Variants in DSC1 observed in about 807,000 individuals in gnomAD.
DSC1 encodes desmocollin-1.
DSC1 carries 79 observed loss-of-function variants against 98.8 expected under a neutral mutation model. That is an observed-to-expected ratio of 0.80 (90% confidence interval 0.67 to 0.96). The LOEUF (loss-of-function observed/expected upper bound fraction) is 0.96, where lower values mean the gene tolerates loss of function less well. Among genes scored for constraint, DSC1 ranks in the 50% least tolerant of loss-of-function variants. The pLI is 0.00. For missense variants in DSC1, 1,115 were observed against 1,075.9 expected, an observed-to-expected ratio of 1.04 and a Z score of -0.51; for synonymous variants, 405 against 372.1, an observed-to-expected ratio of 1.09 and a Z score of -1.02.
Position 31,162,790 on chromosome 18 carries a change from A to G in DSC1, c.-196T>C. ...GCAACGGGAGAATTTCTTTCCCCCT[A>G]TTCCCTGGCCAGTCTCCTTCCTTCC... is the stretch of plus-strand genomic sequence containing the variant. On this transcript the variant is annotated 5_prime_UTR_variant, in exon 1 of 16. Transcript: ENST00000257198. 1 of 574,386 alleles carries G rather than the reference A, an allele frequency of 1.7e-6. No individual in the cohort carries two copies. The allele number at this position is 574,386 out of a possible 1,614,324, so 35.6% of individuals were successfully genotyped here.
At chr18:31,133,841 G>A (rs1467027961) in intron 13 of DSC1, 50 bp downstream of exon 13, 3 of 1,520,048 alleles carry the variant, frequency 2.0e-6, no homozygotes, top group Non-Finnish European at 2.6e-6. Flanking sequence ...AAAAATACTA[G>A]ATAAAATTTT....
In DSC1 at chr18:31,130,501, T is replaced by C. The variant is rs748237087; in HGVS notation, c.*13A>G. On this transcript the variant is annotated 3_prime_UTR_variant, in exon 16 of 16. Transcript: ENST00000257198. ...TTATGCATCTGTGGATATTACACTA[T>C]TAAAAGGCACATTTATTTCTTGATG... is the stretch of plus-strand genomic sequence containing the variant. The C allele has an allele frequency of 1.9e-6, 3 of 1,613,958 alleles. No individual in the cohort carries two copies. In the South Asian group the frequency reaches 3.3e-5, roughly 18 times the overall value.
chr18:31,141,936 T>C, intron 9 of DSC1, 63 bp downstream of exon 9: 5 of 1,475,700 alleles, frequency 3.4e-6, no homozygotes, highest in Admixed American at 4.7e-5. Context: ...AAGAATTATC[T>C]CTTAAAATCA....
intron 8 of DSC1, among the ~76,000 whole-genome samples, chr18:31,142,748 A>T (rs181898637): frequency 4.9e-4 from 74 of 152,276 alleles, no homozygotes; most frequent in African/African-American, 1.7e-3. Context: ...AAAGACTAAA[A>T]GAAGTAGTAA....
rs1366311667 is a variant in DSC1 at position 31,143,750 on chromosome 18, C to G, written c.981G>C (p.Met327Ile). 6.2e-7 allele frequency: 1 copy of G among 1,602,126 alleles called. No homozygotes were observed. Among genetic ancestry groups the G allele is most frequent in the East Asian group, 2.3e-5 (1 of 44,352 alleles). ...TYQLIMEVRD[M>I]GGQPFGLFNT... is the part of the protein sequence containing the mutation. Reference sequence around the variant, plus strand: ...TAAATAAACCGAAAGGCTGACCACCCATGTCTCGCACTTCCATTATTAACT... The same window carrying G: ...TAAATAAACCGAAAGGCTGACCACCGATGTCTCGCACTTCCATTATTAACT... The change falls in exon 8 of 16, where the codon ATG becomes ATC. Residue 327 changes from methionine to isoleucine, a missense_variant. Transcript: ENST00000257198.
At chr18:31,150,369 C>CCATCAGCAGCAG (rs1568002860) in intron 5 of DSC1, among the ~76,000 whole-genome samples, 82 of 3,034 alleles carry the variant, frequency 0.027, 9 homozygotes, top group Non-Finnish European at 0.034. Context: ...ATCATCACCA[C>CCATCAGCAGCAG]CACCATCATC....
At chr18:31,135,752 C>G (rs925972315) in intron 11 of DSC1, among the ~76,000 whole-genome samples, 2 of 151,792 alleles carry the variant, frequency 1.3e-5, no homozygotes, top group African/African-American at 4.8e-5. Context: ...ATGTCAAATC[C>G]CACCATTTGT....
rs761823934 is a variant in DSC1, at chr18:31,131,683, A to G, written c.2398T>C (p.Leu800=). 10 of 1,613,980 alleles carry G rather than the reference A, an allele frequency of 6.2e-6. No individual in the cohort carries two copies. Among genetic ancestry groups the G allele is most frequent in the Admixed American group, 1.7e-5 (1 of 59,992 alleles). ...TGCCCCACTCCCTTGACGGACTCCA[A>G]GGTCTGATGTCCACCTCCTTTGTTG... The part of the protein sequence containing the change: ...DSNKGGGHQT[L]ESVKGVGQGD... Residue 800 remains leucine, a synonymous_variant, in exon 15 of 16, where the codon TTG becomes CTG. Transcript: ENST00000257198.
chr18:31,137,279 A>G (rs535300167), intron 11 of DSC1, among the ~76,000 whole-genome samples: 5 of 152,196 alleles, frequency 3.3e-5, no homozygotes, highest in African/African-American at 4.8e-5. Flanking sequence ...CCACTTGTAC[A>G]TGACAACCCT....
intron 3 of DSC1, among the ~76,000 whole-genome samples, chr18:31,156,670 C>G (rs1364534775): frequency 6.6e-6 from 1 of 152,036 alleles, no homozygotes; most frequent in Non-Finnish European, 1.5e-5. Flanking sequence ...TTCATACAAT[C>G]AAAAAGAATT....
rs376668422 is a variant in DSC1 at position 31,151,151 on chromosome 18, T to G, written c.628-2509A>C. 3.2e-4 allele frequency among the ~76,000 whole-genome samples: 48 copies of G among 152,374 alleles called. No homozygotes were observed. In the South Asian group the frequency reaches 9.7e-3, roughly 31 times the overall value. On this transcript the variant is annotated intron_variant, in intron 5 of 15. Transcript: ENST00000257198. The stretch of plus-strand genomic sequence containing the variant: ...TGAAGATCATCTGCTTCCCACCATA[T>G]GCTCATTTGTAATTTGAAATAATAT...
Position 31,159,532 on chromosome 18 carries a change from C to CAAAAAAAAAAAA in DSC1, c.64-15_64-4dup, listed in dbSNP as rs35550730. On this transcript the variant is annotated splice_region_variant and splice_polypyrimidine_tract_variant and intron_variant, in intron 1 of 15. Transcript: ENST00000257198. ...GCATCGCAAAGTAATGTTAAAACCT[C>CAAAAAAAAAAAA]AAAAAAAAAAAAAGAAAAAATATCA... 3 of 1,409,308 alleles carry CAAAAAAAAAAAA rather than the reference C, an allele frequency of 2.1e-6. No homozygotes were observed. Among genetic ancestry groups the CAAAAAAAAAAAA allele is most frequent in the Non-Finnish European group, 1.9e-6 (2 of 1,052,478 alleles). The allele number at this position is 1,409,308 out of a possible 1,614,324, so 87.3% of individuals were successfully genotyped here.
At position 31,158,056 on chromosome 18, in the gene DSC1, C is replaced by T. The variant is rs557530869; in HGVS notation, c.149-483G>A. 5.3e-5 allele frequency among the ~76,000 whole-genome samples: 8 copies of T among 152,182 alleles called. No individual in the cohort carries two copies. The South Asian group carries it at 8.3e-4, about 16-fold the overall frequency. ...GGCCGAGGTGGGAGGATCACAAGGT[C>T]GGGAGTTCTAGATCAGCCTGGCCAA... On this transcript the variant is annotated intron_variant, in intron 2 of 15. Coordinates refer to ENST00000257198, the MANE Select transcript of DSC1 (RefSeq NM_024421.2).
chr18:31,155,901 G>C, intron 4 of DSC1, 142 bp downstream of exon 4: 4 of 833,764 alleles, frequency 4.8e-6, no homozygotes, highest in Non-Finnish European at 7.3e-6. Flanking sequence ...CACTTCTATG[G>C]GACCCTAGTT....
rs749463079 is a variant in DSC1 at position 31,134,530 on chromosome 18, C to G, written c.1876+42G>C. 32 of 1,446,896 alleles carry G rather than the reference C, an allele frequency of 2.2e-5. No homozygotes were observed. In the East Asian group the frequency reaches 7.1e-4, roughly 32 times the overall value. 89.6% of individuals were successfully genotyped at this position (1,446,896 alleles called of 1,614,324 possible). A position where few individuals can be genotyped will look rare whatever the true frequency, so the allele number is the denominator to read the frequency against. The stretch of plus-strand genomic sequence containing the variant: ...CTAAGGTGAAAGAACCATCACCAAT[C>G]TGAAGTCCGTATTGACTATAAAATT... On this transcript the variant is annotated intron_variant, in intron 12 of 15. Coordinates refer to ENST00000257198, the MANE Select transcript of DSC1 (RefSeq NM_024421.2).
chr18:31,154,394 G>T (rs1338019510), intron 5 of DSC1, among the ~76,000 whole-genome samples: 1 of 151,828 alleles, frequency 6.6e-6, no homozygotes, highest in African/African-American at 2.4e-5. Context: ...CTTGGGCATG[G>T]GTCCAAGCAT....
In DSC1 at chr18:31,140,280, G is replaced by A. The variant is rs1260791441; in HGVS notation, c.1282C>T (p.Arg428Cys). Residue 428 changes from arginine (R) to cysteine (C), a missense_variant, in exon 10 of 16, where the codon CGC becomes TGC. Coordinates refer to ENST00000257198, the MANE Select transcript of DSC1 (RefSeq NM_024421.2). ...ACACCAACTTGCAAAATAACTTGGCGATTGACTTCATAGTTCAATGGCTGT... is the reference window on the plus strand; with the variant it reads ...ACACCAACTTGCAAAATAACTTGGCAATTGACTTCATAGTTCAATGGCTGT... ...VVKPLNYEVN[R>C]QVILQVGVIN... 16 of 1,613,756 alleles carry A rather than the reference G, an allele frequency of 9.9e-6. No homozygotes were observed. Among genetic ancestry groups the A allele is most frequent in the South Asian group, 4.4e-5 (4 of 91,066 alleles).
intron 11 of DSC1, among the ~76,000 whole-genome samples, chr18:31,138,868 G>GA (rs1988668880): frequency 6.6e-6 from 1 of 151,954 alleles, no homozygotes; most frequent in Non-Finnish European, 1.5e-5. Context: ...AATAGGCTAT[G>GA]TTATAAAAGC....
Position 31,134,634 on chromosome 18 carries a change from G to T in DSC1, c.1814C>A (p.Pro605Gln). Residue 605 changes from proline (P) to glutamine (Q), a missense_variant, in exon 12 of 16, where the codon CCA (proline) becomes CAA (glutamine). Transcript: ENST00000257198. ...ATTATCCAGAAAGAATTGAAAAGGT[G>T]GTCCATTTTCAGGTCCATCTGGATC... Reference protein sequence around the residue: ...PVDPDGPENGPPFQFFLDNSA... With the variant: ...PVDPDGPENGQPFQFFLDNSA... 2 of 1,612,676 alleles carry T rather than the reference G, an allele frequency of 1.2e-6. No homozygotes were observed. The highest frequency in any genetic ancestry group is 8.5e-7 in the Non-Finnish European group (1 of 1,179,310).
Sources: allele counts gnomAD v4.1 joint callset (sites outside exome capture counted in the v4.1 genomes callset), GRCh38; gene constraint gnomAD v4.1.1; transcripts MANE v1.5; gene names NCBI Gene and HGNC (gene_info 2026-07-23, HGNC 2026-07-21).